Variants in DSE observed in about 807,000 individuals in gnomAD.
The protein encoded by DSE is dermatan-sulfate epimerase.
Under a neutral mutation model 84.4 loss-of-function variants are expected in DSE, and 36 were observed. The observed-to-expected ratio is 0.43, with a 90% CI of 0.33 to 0.56. DSE has a LOEUF of 0.56. Among genes scored for constraint, DSE ranks in the 20% least tolerant of loss-of-function variants. The pLI is 0.06. For synonymous variants in DSE, 410 were observed against 430.1 expected (o/e 0.95, Z 0.58); for missense variants, 862 against 1,169.6 (o/e 0.74, Z 3.84).
intron 2 of DSE, among the ~76,000 whole-genome samples, chr6:116,307,677 A>AT (rs1307292221): frequency 6.6e-6 from 1 of 152,152 alleles, no homozygotes; most frequent in Non-Finnish European, 1.5e-5. Flanking sequence ...ATTACAAATA[A>AT]TTTTTTTATA....
intron 2 of DSE, among the ~76,000 whole-genome samples, chr6:116,304,483 T>C (rs2114713236): frequency 6.6e-6 from 1 of 152,318 alleles, no homozygotes; most frequent in East Asian, 1.9e-4. Flanking sequence ...TTAGTAGCCA[T>C]GTAGTGAAAC....
chr6:116,390,220 A>C (rs1267323690), intron 1 of DSE, among the ~76,000 whole-genome samples: 2 of 151,906 alleles, frequency 1.3e-5, no homozygotes, highest in Admixed American at 6.6e-5. Flanking sequence ...GGTACATGCC[A>C]CAACACCCAA....
At chr6:116,411,379 C>A (rs146846359) in intron 2 of DSE, among the ~76,000 whole-genome samples, 1 of 152,194 alleles carries the variant, frequency 6.6e-6, no homozygotes, top group Admixed American at 6.5e-5. Flanking sequence ...ACTGCAGCCA[C>A]GTGGGTGTCC....
intron 2 of DSE, among the ~76,000 whole-genome samples, chr6:116,326,710 G>A (rs576777579): frequency 6.6e-6 from 1 of 152,228 alleles, no homozygotes; most frequent in East Asian, 1.9e-4. Context: ...AACTGCTGAG[G>A]TACAAAGCAT....
In DSE at chr6:116,278,942, C is replaced by A. The variant is rs768708567; in HGVS notation, c.-54+19975C>A. ...GTTATGTACCTTAACATCTCTGCAT[C>A]TTGGCCCCTAATCATGGCGGACAAC... On this transcript the variant is annotated intron_variant, in intron 2 of 3. Transcript: ENST00000430252. 1.4e-5 allele frequency: 22 copies of A among 1,613,990 alleles called. No individual in the cohort carries two copies. The highest frequency in any genetic ancestry group is 1.7e-5 in the Non-Finnish European group (20 of 1,180,034).
At chr6:116,367,213 A>C (rs1779214595), upstream of DSE, 1 of 152,260 alleles carries the variant, frequency 6.6e-6, no homozygotes, top group South Asian at 2.1e-4. Flanking sequence ...ATTATCACTG[A>C]ATCAGTAAGT....
At chr6:116,318,728 G>A (rs138438284) in intron 2 of DSE, among the ~76,000 whole-genome samples, 1 of 152,232 alleles carries the variant, frequency 6.6e-6, no homozygotes, top group African/African-American at 2.4e-5. Flanking sequence ...AGGGTTAAAA[G>A]TAAATAGAAA....
In DSE at chr6:116,406,093, T is replaced by C. The variant is rs1297056315; in HGVS notation, c.416+6427T>C. Among the ~76,000 whole-genome samples the C allele has an allele frequency of 3.9e-5, 6 of 152,242 alleles. No homozygotes were observed. The South Asian group carries it at 8.3e-4, about 21-fold the overall frequency. On this transcript the variant is annotated intron_variant, in intron 2 of 5. Coordinates refer to ENST00000644252, the MANE Select transcript of DSE (RefSeq NM_013352.4). ...CGAAGTTAATTTTCTTTGTAAGATA[T>C]GTTTATTGACTCTAAGATTCAGTAT... is the stretch of plus-strand genomic sequence containing the variant.
At chr6:116,356,648 C>T (rs536762890) in intron 2 of DSE, among the ~76,000 whole-genome samples, 11 of 152,198 alleles carry the variant, frequency 7.2e-5, no homozygotes, top group Non-Finnish European at 1.5e-4. Flanking sequence ...TCTCACTTTG[C>T]GAATGACGAA....
intron 1 of DSE, 86 bp downstream of exon 1, chr6:116,371,207 T>C: frequency 1.0e-6 from 1 of 984,490 alleles, no homozygotes; most frequent in Non-Finnish European, 1.2e-6. Flanking sequence ...TTCGGGGCTG[T>C]CCCGGCGCGG....
At chr6:116,366,235 A>G (rs1247302952), upstream of DSE, 1 of 152,236 alleles carries the variant, frequency 6.6e-6, no homozygotes, top group Non-Finnish European at 1.5e-5. Context: ...TCTAGATTTC[A>G]GCCTAGTTTT....
intron 2 of DSE, among the ~76,000 whole-genome samples, chr6:116,303,596 A>G (rs1237407769): frequency 6.6e-6 from 1 of 152,018 alleles, no homozygotes; most frequent in Non-Finnish European, 1.5e-5. Context: ...TTCTTTTTCC[A>G]CTTCCCCTTC....
Position 116,309,544 on chromosome 6 carries a change from TAAA to T in DSE, c.-54+50580_-54+50582del, listed in dbSNP as rs2114726888. On this transcript the variant is annotated intron_variant, in intron 2 of 3. Transcript: ENST00000430252. ...ATCTTTGCTTATATTAACCCAAATA[TAAA>T]AATAACACAATAGTTATTGTCTGTT... Among the ~76,000 whole-genome samples, 2 of 152,330 alleles carry T rather than the reference TAAA, an allele frequency of 1.3e-5. 1 individual carries two copies. Among genetic ancestry groups the T allele is most frequent in the South Asian group, 4.1e-4 (2 of 4,826 alleles).
chr6:116,357,868 C>T (rs186929806), intron 2 of DSE, among the ~76,000 whole-genome samples: 1 of 152,284 alleles, frequency 6.6e-6, no homozygotes, highest in African/African-American at 2.4e-5. Context: ...AAATGCCCGG[C>T]CCATGTCTGT....
At chr6:116,310,822 G>T (rs1775652573) in intron 2 of DSE, among the ~76,000 whole-genome samples, 1 of 152,146 alleles carries the variant, frequency 6.6e-6, no homozygotes. Flanking sequence ...AACATAAAAT[G>T]AGAACATGTA....
intron 2 of DSE, among the ~76,000 whole-genome samples, chr6:116,414,489 C>T (rs551656183): frequency 1.3e-5 from 2 of 152,128 alleles, no homozygotes; most frequent in South Asian, 2.1e-4. Context: ...CTCAGCTCAC[C>T]GCAACCTCCA....
chr6:116,359,817 G>A lies in DSE; in HGVS notation c.-53-39381G>A, dbSNP rs529207265. 5.3e-5 allele frequency among the ~76,000 whole-genome samples: 8 copies of A among 152,280 alleles called. No individual in the cohort carries two copies. The South Asian group carries it at 1.7e-3, about 32-fold the overall frequency. On this transcript the variant is annotated intron_variant, in intron 2 of 3. Coordinates refer to the DSE transcript ENST00000430252. Reference sequence around the variant, plus strand: ...TAGCTCATCTATCGTTCTGAGTGTTGATGTAGCTCATTTTACTCACCAAAT... The same window carrying A: ...TAGCTCATCTATCGTTCTGAGTGTTAATGTAGCTCATTTTACTCACCAAAT...
At chr6:116,258,178 G>C (rs9488877) in intron 1 of DSE, among the ~76,000 whole-genome samples, 31,524 of 151,436 alleles carry the variant, frequency 0.21, 4,213 homozygotes, top group African/African-American at 0.38. Context: ...ACCATGCCCG[G>C]CTAATTTTTT....
intron 2 of DSE, among the ~76,000 whole-genome samples, chr6:116,308,006 G>A (rs919984684): frequency 2.0e-5 from 3 of 152,016 alleles, no homozygotes; most frequent in Non-Finnish European, 4.4e-5. Flanking sequence ...TTCTGTACAG[G>A]GCCTTGAACA....
Sources: gnomAD v4.1 joint callset for allele counts (sites outside exome capture counted in the v4.1 genomes callset) on GRCh38, gnomAD v4.1.1 for gene constraint, MANE v1.5 for transcripts, NCBI Gene and HGNC (gene_info 2026-07-23, HGNC 2026-07-21) for gene names.